Variants in ZNF519 observed in about 807,000 individuals in gnomAD.
The protein encoded by ZNF519 is similar to Zinc finger protein 85 (Zinc finger protein HPF4) (HTF1).
Under a neutral mutation model 7.4 loss-of-function variants are expected in ZNF519, and 7 were observed. The observed-to-expected ratio is 0.94, with a 90% confidence interval of 0.54 to 1.77. The LOEUF (loss-of-function observed/expected upper bound fraction) is 1.77, where lower values mean the gene tolerates loss of function less well. Among genes scored for constraint, ZNF519 ranks in the 40% most tolerant of loss-of-function variants. The probability of loss-of-function intolerance (pLI) is 0.00; values close to 1 mark genes in which losing one functional copy is unlikely to be tolerated. For synonymous variants in ZNF519, 179 were observed against 203.3 expected (o/e 0.88, Z 1.02); for missense variants, 586 against 623.1 (o/e 0.94, Z 0.63).
chr18:14,120,265 T>G lies in ZNF519; in HGVS notation c.130+4085A>C, dbSNP rs541316859. ...TCCATGCATACAAGGTCAACTAATC[T>G]TTGACAAGAGCACCAAGAATATACA... On this transcript the variant is annotated intron_variant, in intron 2 of 2. Coordinates refer to ENST00000590202, the MANE Select transcript of ZNF519 (RefSeq NM_145287.4). Among the ~76,000 whole-genome samples, 222 of 152,286 alleles carry G rather than the reference T, an allele frequency of 1.5e-3. 1 individual carries two copies. Among genetic ancestry groups the G allele is most frequent in the Non-Finnish European group, 2.1e-3 (141 of 68,024 alleles).
chr18:14,110,722 TAACA>T (rs1401166921), intron 2 of ZNF519, among the ~76,000 whole-genome samples: 2 of 152,166 alleles, frequency 1.3e-5, no homozygotes, highest in East Asian at 3.8e-4. Flanking sequence ...TGGGAACACT[TAACA>T]AATAAAATGT....
intron 1 of ZNF519, 68 bp from the exon 2 acceptor site, chr18:14,124,544 A>G: frequency 6.5e-7 from 1 of 1,550,348 alleles, no homozygotes; most frequent in Non-Finnish European, 8.8e-7. Flanking sequence ...TAAAATAACT[A>G]GTTCTGACTT....
At chr18:14,092,441 A>C (rs991949460) in intron 2 of ZNF519, among the ~76,000 whole-genome samples, 3 of 152,120 alleles carry the variant, frequency 2.0e-5, no homozygotes, top group African/African-American at 2.4e-5. Context: ...TAGAGGAGCA[A>C]TCACAGCTGT....
chr18:14,130,248 G>A (rs903216845), intron 1 of ZNF519, among the ~76,000 whole-genome samples: 5 of 149,292 alleles, frequency 3.3e-5, no homozygotes. Context: ...CCTATTCTCA[G>A]CCTGATTCAA....
intron 2 of ZNF519, among the ~76,000 whole-genome samples, chr18:14,113,886 G>C (rs1175965955): frequency 6.6e-6 from 1 of 152,038 alleles, no homozygotes; most frequent in Non-Finnish European, 1.5e-5. Flanking sequence ...GCATTTCTCT[G>C]ATGACCACAT....
chr18:14,080,315 GTTTTTTTTTTTTTTTT>G (rs55805123), intron 3 of ZNF519: 1 of 101,256 alleles, frequency 9.9e-6, no homozygotes, highest in Non-Finnish European at 1.8e-5. Flanking sequence ...CAATTTGACA[GTTTTTTTTTTTTTTTT>G]TTTTTTTTTG....
At position 14,078,899 on chromosome 18, in the gene ZNF519, C is replaced by G. The variant is rs955114509; in HGVS notation, c.*178-601G>C. On this transcript the variant is annotated intron_variant and NMD_transcript_variant, in intron 3 of 4. Transcript: ENST00000587419. Reference sequence around the variant, plus strand: ...AACTTTTTATGTGTAAAAAGTTTTCCTTCAAGGTAAAGATGAAGAAGCACT... The same window carrying G: ...AACTTTTTATGTGTAAAAAGTTTTCGTTCAAGGTAAAGATGAAGAAGCACT... 9.2e-5 allele frequency among the ~76,000 whole-genome samples: 14 copies of G among 152,152 alleles called. No individual in the cohort carries two copies. In the East Asian group the frequency reaches 2.7e-3, roughly 29 times the overall value.
intron 2 of ZNF519, among the ~76,000 whole-genome samples, chr18:14,094,875 C>T (rs2143104431): frequency 6.6e-6 from 1 of 152,150 alleles, no homozygotes; most frequent in East Asian, 1.9e-4. Flanking sequence ...TTTCCTGGCT[C>T]CAGTATTATT....
intron 3 of ZNF519, among the ~76,000 whole-genome samples, chr18:14,079,538 C>T (rs890631156): frequency 2.0e-5 from 3 of 152,138 alleles, no homozygotes; most frequent in Admixed American, 1.3e-4. Context: ...GTTATGAAGA[C>T]AGTGTGGTAT....
At chr18:14,125,870 C>T (rs1457620091) in intron 1 of ZNF519, among the ~76,000 whole-genome samples, 1 of 152,038 alleles carries the variant, frequency 6.6e-6, no homozygotes, top group Non-Finnish European at 1.5e-5. Context: ...ATTTTTAGTA[C>T]AGCCGGGGTT....
chr18:14,109,767 G>A (rs560572825), intron 2 of ZNF519, among the ~76,000 whole-genome samples: 5 of 152,146 alleles, frequency 3.3e-5, no homozygotes, highest in South Asian at 2.1e-4. Context: ...ACAACTTCAT[G>A]ACAGATTTAC....
At chr18:14,098,711 T>G (rs528241334), downstream of ZNF519, among the ~76,000 whole-genome samples, 1 of 152,178 alleles carries the variant, frequency 6.6e-6, no homozygotes, top group Non-Finnish European at 1.5e-5. Context: ...ACTGCCAAGA[T>G]TTTCCTGGTT....
At chr18:14,109,331 T>C (rs1243336257) in intron 2 of ZNF519, among the ~76,000 whole-genome samples, 2 of 152,026 alleles carry the variant, frequency 1.3e-5, no homozygotes, top group African/African-American at 2.4e-5. Context: ...AACGAAGAAA[T>C]ATCAGGCCTA....
intron 1 of ZNF519, among the ~76,000 whole-genome samples, chr18:14,125,274 G>A (rs1199829107): frequency 6.6e-6 from 1 of 152,164 alleles, no homozygotes; most frequent in Non-Finnish European, 1.5e-5. Context: ...GGAGATAATG[G>A]CAATGTCTGA....
intron 3 of ZNF519, among the ~76,000 whole-genome samples, chr18:14,083,219 G>A: frequency 6.6e-6 from 1 of 152,046 alleles, no homozygotes. Flanking sequence ...GCGTGGTGAT[G>A]TGCACCAGTA....
rs529526865 is a variant in ZNF519, at chr18:14,117,509, T to C, written c.130+6841A>G. On this transcript the variant is annotated intron_variant, in intron 2 of 2. Transcript: ENST00000590202. ...GACTTCTGGGCATCTAATCAAAATA[T>C]GCAGAGTATACTTGAAAGAAATATT... Among the ~76,000 whole-genome samples, 166 of 152,296 alleles carry C rather than the reference T, an allele frequency of 1.1e-3. 1 individual carries two copies. The highest frequency in any genetic ancestry group is 2.0e-3 in the Non-Finnish European group (137 of 68,030).
chr18:14,115,791 G>C (rs1003948156), intron 2 of ZNF519, among the ~76,000 whole-genome samples: 2 of 152,176 alleles, frequency 1.3e-5, no homozygotes, highest in South Asian at 2.1e-4. Flanking sequence ...TGTGCAAAAA[G>C]CCAGGCACAA....
intron 2 of ZNF519, among the ~76,000 whole-genome samples, chr18:14,111,515 G>GAAAAAAAAAAAAAAAGAAAAAAAAAAAA (rs2046220981): frequency 1.4e-5 from 1 of 72,632 alleles, no homozygotes; most frequent in Non-Finnish European, 2.8e-5. Context: ...TCAAAAAAAA[G>GAAAAAAAAAAAAAAAGAAAAAAAAAAAA]AAAAAAAAAA....
At chr18:14,096,052 G>A (rs982492673), downstream of ZNF519, among the ~76,000 whole-genome samples, 3 of 152,226 alleles carry the variant, frequency 2.0e-5, no homozygotes, top group African/African-American at 4.8e-5. Context: ...GCCTTGCACT[G>A]GGGTGAGTCC....
Sources: allele counts gnomAD v4.1 joint callset (sites outside exome capture counted in the v4.1 genomes callset), GRCh38; gene constraint gnomAD v4.1.1; transcripts MANE v1.5; gene names NCBI Gene and HGNC (gene_info 2026-07-23, HGNC 2026-07-21).